LAMA1: variants seen among roughly 807,000 people sequenced by gnomAD.
LAMA1 encodes the protein laminin subunit alpha-1.
Under a neutral mutation model 348.7 loss-of-function variants are expected in LAMA1, and 219 were observed. The ratio of observed to expected loss-of-function variants is 0.63; its 90% CI spans 0.56 to 0.70. The LOEUF (loss-of-function observed/expected upper bound fraction) is 0.70, where lower values mean the gene tolerates loss of function less well. Among genes scored for constraint, LAMA1 ranks in the 30% least tolerant of loss-of-function variants. The pLI is 0.00. For synonymous variants in LAMA1, 1,487 were observed against 1,491.0 expected (o/e 1.00, Z 0.06); for missense variants, 3,744 against 3,888.0 (o/e 0.96, Z 0.99).
At chr18:7,108,640 CAAAAAAAAAAAAA>C (rs58802341) in intron 1 of LAMA1, among the ~76,000 whole-genome samples, 2,342 of 40,286 alleles carry the variant, frequency 0.058, 136 homozygotes, top group African/African-American at 0.22. Context: ...GACTCTGTCT[CAAAAAAAAAAAAA>C]AAAAAAAAAA....
chr18:7,011,699 C>T (rs1456563125), intron 24 of LAMA1, among the ~76,000 whole-genome samples: 1 of 152,138 alleles, frequency 6.6e-6, no homozygotes, highest in Non-Finnish European at 1.5e-5. Flanking sequence ...GCTGGGGAAA[C>T]GTTCAATGAT....
chr18:7,016,360 G>T, intron 21 of LAMA1, 131 bp downstream of exon 21: 1 of 1,005,818 alleles, frequency 9.9e-7, no homozygotes, highest in Non-Finnish European at 1.5e-6. Flanking sequence ...CAGAAAAAAG[G>T]TATGAAATCC....
chr18:7,072,862 AGGCTGGAG>A (rs1015003469), intron 3 of LAMA1, among the ~76,000 whole-genome samples: 6 of 152,094 alleles, frequency 3.9e-5, no homozygotes, highest in Non-Finnish European at 7.4e-5. Flanking sequence ...CACTAGTGGG[AGGCTGGAG>A]GGCTGGAGGG....
chr18:7,028,416 G>C (rs1350488292), intron 16 of LAMA1, among the ~76,000 whole-genome samples: 3 of 152,258 alleles, frequency 2.0e-5, no homozygotes, highest in Non-Finnish European at 2.9e-5. Flanking sequence ...ATAACACACA[G>C]AAATAAGCAG....
chr18:7,009,346 G>C lies in LAMA1; in HGVS notation c.3894C>G (p.Asn1298Lys). 1 of 1,614,070 alleles carries C rather than the reference G, an allele frequency of 6.2e-7. No homozygotes were observed. The highest frequency in any genetic ancestry group is 8.5e-7 in the Non-Finnish European group (1 of 1,179,976). Residue 1298 changes from asparagine to lysine, a missense_variant, in exon 27 of 63, where the codon AAC becomes AAG. Physicochemically the swap from Asn to Lys is moderately conservative, Grantham distance 94 (BLOSUM62 0). Around this residue, in one of 3 missense-constraint regions of LAMA1, gnomAD observed 1,983 missense variants for 1,934.3 expected, o/e 1.03. Transcript: ENST00000389658. ...GCGTGACAGGTTTTTCAGAAACAGA[G>C]TTAAAATATTTCCAAAAATTCTGTA... is the stretch of plus-strand genomic sequence containing the variant. The part of the protein sequence containing the change: ...AMRENFWKYF[N>K]SVSEKPVTRE...
At chr18:6,948,353 G>C in intron 60 of LAMA1, 50 bp downstream of exon 60, 1 of 1,612,196 alleles carries the variant, frequency 6.2e-7, no homozygotes, top group African/African-American at 1.3e-5. Context: ...CATCGCTTTA[G>C]AGTACAGACT....
intron 16 of LAMA1, among the ~76,000 whole-genome samples, chr18:7,029,481 GT>G (rs2057958759): frequency 6.6e-6 from 1 of 152,280 alleles, no homozygotes; most frequent in Admixed American, 6.5e-5. Context: ...TCTATGGTAT[GT>G]TTTCTTTGAT....
intron 3 of LAMA1, among the ~76,000 whole-genome samples, chr18:7,064,613 A>C (rs2058115177): frequency 6.6e-6 from 1 of 152,216 alleles, no homozygotes; most frequent in Non-Finnish European, 1.5e-5. Context: ...TTTCCTGAAC[A>C]GCAAGTTCGG....
intron 61 of LAMA1, among the ~76,000 whole-genome samples, chr18:6,944,917 C>A (rs1248616760): frequency 6.6e-6 from 1 of 151,884 alleles, no homozygotes; most frequent in Non-Finnish European, 1.5e-5. Flanking sequence ...ATGTCATAAA[C>A]CCTTAGGTAA....
chr18:7,113,492 G>T (rs2058343714), intron 1 of LAMA1, among the ~76,000 whole-genome samples: 1 of 152,134 alleles, frequency 6.6e-6, no homozygotes, highest in Admixed American at 6.5e-5. Flanking sequence ...GAGTGAAAAG[G>T]GCACACCTTG....
intron 19 of LAMA1, among the ~76,000 whole-genome samples, chr18:7,021,833 A>ATTAT (rs199751950): frequency 4.6e-5 from 3 of 65,930 alleles, no homozygotes; most frequent in Non-Finnish European, 3.0e-5. Flanking sequence ...TATATAATAT[A>ATTAT]ATAATATATT....
chr18:6,948,288 A>G (rs746526023), intron 60 of LAMA1, 115 bp downstream of exon 60: 29 of 1,368,738 alleles, frequency 2.1e-5, no homozygotes, highest in African/African-American at 2.9e-5. Flanking sequence ...ACTAAACTCA[A>G]TGTGGTTTTC....
chr18:7,091,666 T>C (rs1277196475), intron 1 of LAMA1, among the ~76,000 whole-genome samples: 1 of 152,370 alleles, frequency 6.6e-6, no homozygotes. Flanking sequence ...TTCATGAGTA[T>C]GTGACCTGCA....
intron 3 of LAMA1, among the ~76,000 whole-genome samples, chr18:7,055,112 C>CTGTGTGTGTG (rs147015838): frequency 3.4e-5 from 5 of 145,234 alleles, no homozygotes; most frequent in African/African-American, 1.3e-4. Context: ...CAAGGGTCAG[C>CTGTGTGTGTG]TGTGTGTGTG....
At chr18:7,037,989 T>A (rs774533898) in intron 11 of LAMA1, among the ~76,000 whole-genome samples, 1 of 151,944 alleles carries the variant, frequency 6.6e-6, no homozygotes, top group Non-Finnish European at 1.5e-5. Flanking sequence ...TATAAGCAAA[T>A]AAATGAGCAA....
At position 7,017,170 on chromosome 18, in the gene LAMA1, GC is replaced by G. The variant is rs1005177613; in HGVS notation, c.2808+107del. 7.1e-6 allele frequency: 6 copies of G among 840,604 alleles called. No homozygotes were observed. In the African/African-American group the frequency reaches 1.0e-4, roughly 14 times the overall value. 52.1% of individuals were successfully genotyped at this position (840,604 alleles called of 1,614,324 possible). On this transcript the variant is annotated intron_variant, in intron 20 of 62. Transcript: ENST00000389658. ...CCCAGTCTTGGGTAGTATCTCTATAGCAGTGTGAGAACAAACTAATACACTT... is the reference window on the plus strand; with the variant it reads ...CCCAGTCTTGGGTAGTATCTCTATAGAGTGTGAGAACAAACTAATACACTT...
At chr18:7,028,612 A>T (rs2057954778) in intron 16 of LAMA1, among the ~76,000 whole-genome samples, 1 of 152,266 alleles carries the variant, frequency 6.6e-6, no homozygotes. Context: ...CTAACAATCC[A>T]GGCTGTAGAA....
intron 17 of LAMA1, among the ~76,000 whole-genome samples, chr18:7,025,379 C>T (rs928173052): frequency 1.3e-5 from 2 of 152,166 alleles, no homozygotes; most frequent in African/African-American, 4.8e-5. Flanking sequence ...CTTCCTGCAC[C>T]CACCTAGGTA....
chr18:7,021,851 ATT>A (rs1491015107), intron 19 of LAMA1, among the ~76,000 whole-genome samples: 4 of 61,904 alleles, frequency 6.5e-5, no homozygotes, highest in African/African-American at 3.8e-4. Context: ...ATTATATTAT[ATT>A]ATATATATTA....
Sources: allele counts gnomAD v4.1 joint callset (sites outside exome capture counted in the v4.1 genomes callset), GRCh38; gene constraint gnomAD v4.1.1; regional missense constraint gnomAD v4.1.1; transcripts MANE v1.5; gene names NCBI Gene and HGNC (gene_info 2026-07-23, HGNC 2026-07-21).